Variants in NADK2 observed in about 807,000 individuals in gnomAD.
The protein encoded by NADK2 is NAD kinase 2, mitochondrial.
Under a neutral mutation model 62.1 loss-of-function variants are expected in NADK2, and 35 were observed. That is an observed-to-expected ratio of 0.56 (90% confidence interval 0.43 to 0.75). NADK2 has a LOEUF of 0.75. Ranked by LOEUF, NADK2 falls within the 30% of genes least tolerant of loss-of-function variation. NADK2 has a pLI of 0.00. For missense variants in NADK2, 439 were observed against 561.3 expected (o/e 0.78, Z 2.20); for synonymous variants, 205 against 207.9 (o/e 0.99, Z 0.12).
intron 6 of NADK2, among the ~76,000 whole-genome samples, chr5:36,215,884 A>C (rs1747023780): frequency 6.6e-6 from 1 of 152,164 alleles, no homozygotes; most frequent in Admixed American, 6.5e-5. Flanking sequence ...TATTGTGAAT[A>C]GGGCGGCATC....
At position 36,194,944 on chromosome 5, in the gene NADK2, G is replaced by C; in HGVS notation, c.*200C>G. ...ATTTCACTGGTATCAATTCTAATTG[G>C]TTCAGTCCATCCATTTTCTTATACA... is the stretch of plus-strand genomic sequence containing the variant. On this transcript the variant is annotated 3_prime_UTR_variant, in exon 12 of 12. Transcript: ENST00000381937. 1 of 497,276 alleles carries C rather than the reference G, an allele frequency of 2.0e-6. No homozygotes were observed. 30.8% of individuals were successfully genotyped at this position (497,276 alleles called of 1,614,324 possible).
At chr5:36,200,196 C>A in intron 10 of NADK2, 31 bp downstream of exon 10, 1 of 1,508,550 alleles carries the variant, frequency 6.6e-7, no homozygotes, top group Non-Finnish European at 9.0e-7. Flanking sequence ...CAGAACTAAA[C>A]TGTTAGTGAT....
At chr5:36,204,160 G>A (rs774832060) in intron 8 of NADK2, among the ~76,000 whole-genome samples, 2 of 152,072 alleles carry the variant, frequency 1.3e-5, no homozygotes, top group African/African-American at 2.4e-5. Context: ...ATATATAAAC[G>A]TACCTAGCAC....
chr5:36,197,722 A>G, intron 10 of NADK2, 58 bp from the exon 11 acceptor site: 3 of 1,384,264 alleles, frequency 2.2e-6, no homozygotes, highest in Non-Finnish European at 2.8e-6. Flanking sequence ...TGAGAAGGGC[A>G]AAACAAAAAA....
intron 1 of NADK2, among the ~76,000 whole-genome samples, chr5:36,236,429 A>T: frequency 6.6e-6 from 1 of 152,240 alleles, no homozygotes; most frequent in African/African-American, 2.4e-5. Context: ...GTCAAATAAA[A>T]ATCATCTTTT....
At chr5:36,204,905 C>G (rs1395497179) in intron 8 of NADK2, among the ~76,000 whole-genome samples, 1 of 151,906 alleles carries the variant, frequency 6.6e-6, no homozygotes, top group African/African-American at 2.4e-5. Context: ...ATTCATTACA[C>G]TATTTTGTCA....
intron 4 of NADK2, among the ~76,000 whole-genome samples, chr5:36,225,289 T>C (rs1747439834): frequency 6.6e-6 from 1 of 152,212 alleles, no homozygotes; most frequent in Admixed American, 6.5e-5. Flanking sequence ...TTCTGGAACA[T>C]GGTTCTAATG....
chr5:36,226,713 TTTG>T (rs1335312096), intron 2 of NADK2, 150 bp from the exon 3 acceptor site: 4 of 571,862 alleles, frequency 7.0e-6, no homozygotes, highest in African/African-American at 5.6e-5. Flanking sequence ...TAACATTATC[TTTG>T]TTTTCATTTA....
intron 5 of NADK2, chr5:36,218,197 C>T (rs988615064): frequency 5.4e-6 from 1 of 184,868 alleles, no homozygotes; most frequent in Non-Finnish European, 1.1e-5. Context: ...TTGTGCTTTG[C>T]TCAGCAAAAA....
chr5:36,209,902 C>G (rs534620421), intron 7 of NADK2, among the ~76,000 whole-genome samples: 3 of 152,126 alleles, frequency 2.0e-5, no homozygotes, highest in Non-Finnish European at 2.9e-5. Context: ...AATTACAAAT[C>G]AAAGAAACTG....
rs1055859108 is a variant in NADK2, at chr5:36,194,595, T to A, written c.*549A>T. 6.6e-6 allele frequency: 1 copy of A among 152,206 alleles called. No homozygotes were observed. The highest frequency in any genetic ancestry group is 2.4e-5 in the African/African-American group (1 of 41,464). The allele number at this position is 152,206 out of a possible 1,614,324, so 9.4% of individuals were successfully genotyped here. On this transcript the variant is annotated 3_prime_UTR_variant, in exon 12 of 12. Transcript: ENST00000381937. ...AATTTTTAAATCAATAGTCATAACA[T>A]CATCGTGTTCCGAAATTAGAAAATT...
Position 36,226,393 on chromosome 5 carries a change from T to C in NADK2, c.478+82A>G, listed in dbSNP as rs199660891. 11 of 1,095,880 alleles carry C rather than the reference T, an allele frequency of 1.0e-5. No homozygotes were observed. In the East Asian group the frequency reaches 1.4e-4, roughly 14 times the overall value. 67.9% of individuals were successfully genotyped at this position (1,095,880 alleles called of 1,614,324 possible). A position where few individuals can be genotyped will look rare whatever the true frequency, so the allele number is the denominator to read the frequency against. On this transcript the variant is annotated intron_variant, in intron 3 of 11. Coordinates refer to ENST00000381937, the MANE Select transcript of NADK2 (RefSeq NM_001085411.3). The stretch of plus-strand genomic sequence containing the variant: ...TGGTAAGACTCTGAAGGCTTCAATA[T>C]AGCTAGACCCTAGGGTATCTGGAAA...
intron 1 of NADK2, among the ~76,000 whole-genome samples, chr5:36,236,631 C>G (rs1031302516): frequency 2.6e-5 from 4 of 152,058 alleles, no homozygotes; most frequent in African/African-American, 9.7e-5. Context: ...ATGATCTTAA[C>G]AGAACATCAG....
At chr5:36,213,362 T>C (rs1386630770) in intron 6 of NADK2, among the ~76,000 whole-genome samples, 3 of 152,120 alleles carry the variant, frequency 2.0e-5, no homozygotes, top group Non-Finnish European at 4.4e-5. Context: ...AAGACAACAT[T>C]GATCTATTCT....
At chr5:36,224,786 TACA>T (rs1747419590) in intron 4 of NADK2, among the ~76,000 whole-genome samples, 2 of 152,086 alleles carry the variant, frequency 1.3e-5, no homozygotes. Context: ...AAAGTCCAGG[TACA>T]GTCATGGCTG....
At chr5:36,234,375 A>C (rs1348126589) in intron 1 of NADK2, among the ~76,000 whole-genome samples, 2 of 53,636 alleles carry the variant, frequency 3.7e-5, no homozygotes, top group African/African-American at 7.7e-5. Flanking sequence ...TCCGTCTCAA[A>C]AAAAAAAAAA....
chr5:36,207,277 G>A lies in NADK2; in HGVS notation c.861-12C>T, dbSNP rs751004255. On this transcript the variant is annotated splice_polypyrimidine_tract_variant and intron_variant, in intron 7 of 11. Transcript: ENST00000381937. ...CATAGTAGGAAGCCCTGTGAATTGA[G>A]AATATAAAACTGTTTGCTGAGCTTA... The A allele has an allele frequency of 1.9e-6, 3 of 1,595,874 alleles. No individual in the cohort carries two copies. Among genetic ancestry groups the A allele is most frequent in the African/African-American group, 2.7e-5 (2 of 74,316 alleles).
chr5:36,240,423 C>T (rs985295617), intron 1 of NADK2, among the ~76,000 whole-genome samples: 1 of 152,206 alleles, frequency 6.6e-6, no homozygotes, highest in Non-Finnish European at 1.5e-5. Context: ...TAAGATCACA[C>T]GATACCAGAA....
chr5:36,236,103 AATG>A (rs1387139107), intron 1 of NADK2, among the ~76,000 whole-genome samples: 4 of 152,112 alleles, frequency 2.6e-5, no homozygotes, highest in African/African-American at 7.2e-5. Flanking sequence ...AATATAGTAA[AATG>A]ATAACAGTGA....
Sources: allele counts gnomAD v4.1 joint callset (sites outside exome capture counted in the v4.1 genomes callset), GRCh38; gene constraint gnomAD v4.1.1; transcripts MANE v1.5; gene names NCBI Gene and HGNC (gene_info 2026-07-23, HGNC 2026-07-21).